The following INPP5K variants were observed in gnomAD, a reference collection of about 807,000 sequenced individuals.
INPP5K encodes inositol polyphosphate 5-phosphatase K.
A neutral mutation model predicts 53.5 loss-of-function variants in INPP5K; 35 were observed. The observed-to-expected ratio is 0.65, with a 90% confidence interval of 0.50 to 0.87. The LOEUF (loss-of-function observed/expected upper bound fraction) is 0.87, where lower values mean the gene tolerates loss of function less well. Among genes scored for constraint, INPP5K ranks in the 40% least tolerant of loss-of-function variants. INPP5K has a pLI of 0.00. For missense variants in INPP5K, 550 were observed against 586.2 expected (o/e 0.94, Z 0.64); for synonymous variants, 253 against 232.8 (o/e 1.09, Z -0.79).
At chr17:1,497,176 G>A (rs1030857146) in intron 8 of INPP5K, among the ~76,000 whole-genome samples, 10 of 152,208 alleles carry the variant, frequency 6.6e-5, no homozygotes, top group Non-Finnish European at 2.9e-5. Context: ...CTGTGAACGT[G>A]CAAGAACACA....
At chr17:1,510,808 T>C (rs1033498502) in intron 3 of INPP5K, among the ~76,000 whole-genome samples, 1 of 152,046 alleles carries the variant, frequency 6.6e-6, no homozygotes, top group Non-Finnish European at 1.5e-5. Flanking sequence ...GTTTGTTTTG[T>C]AGAGACAGGG....
chr17:1,514,195 C>T lies in INPP5K; in HGVS notation c.45-216G>A, dbSNP rs1347593791. Among the ~76,000 whole-genome samples the T allele has an allele frequency of 2.0e-5, 3 of 151,974 alleles. No individual in the cohort carries two copies. In the East Asian group the frequency reaches 5.8e-4, roughly 29 times the overall value. ...AAAATTAGCCCAGCATGGTGGCAGG[C>T]GCCTGTAATCCCAGCTACTCTGGAG... is the stretch of plus-strand genomic sequence containing the variant. On this transcript the variant is annotated intron_variant, in intron 1 of 11. Coordinates refer to ENST00000421807, the MANE Select transcript of INPP5K (RefSeq NM_016532.4).
chr17:1,506,730 TG>T lies in INPP5K; in HGVS notation c.776+249del, dbSNP rs1469181223. ...CTCCACCCTCTCCTCTGGTTCTATC[TG>T]TAACACCCCCACCCCCTACACACCT... On this transcript the variant is annotated intron_variant, in intron 7 of 11. Coordinates refer to ENST00000421807, the MANE Select transcript of INPP5K (RefSeq NM_016532.4). Among the ~76,000 whole-genome samples, 7 of 152,196 alleles carry T rather than the reference TG, an allele frequency of 4.6e-5. No homozygotes were observed. In the East Asian group the frequency reaches 1.4e-3, roughly 29 times the overall value.
At chr17:1,506,309 G>A (rs746047325) in intron 7 of INPP5K, among the ~76,000 whole-genome samples, 7 of 152,206 alleles carry the variant, frequency 4.6e-5, no homozygotes, top group Non-Finnish European at 8.8e-5. Context: ...ACAGGTGTGA[G>A]CCACCGCGCC....
chr17:1,496,182 G>A lies in INPP5K; in HGVS notation c.1186-18C>T. 3 of 1,571,312 alleles carry A rather than the reference G, an allele frequency of 1.9e-6. No individual in the cohort carries two copies. Among genetic ancestry groups the A allele is most frequent in the Non-Finnish European group, 2.6e-6 (3 of 1,141,678 alleles). ...ATGTAAACCTGGAGGGGGATGGACAGGACTGGGGTCAGCTCCAGGGCTCTG... is the reference window on the plus strand; with the variant it reads ...ATGTAAACCTGGAGGGGGATGGACAAGACTGGGGTCAGCTCCAGGGCTCTG... On this transcript the variant is annotated intron_variant, in intron 10 of 11. Coordinates refer to ENST00000421807, the MANE Select transcript of INPP5K (RefSeq NM_016532.4).
intron 7 of INPP5K, among the ~76,000 whole-genome samples, chr17:1,501,795 G>C (rs1351341868): frequency 6.6e-6 from 1 of 151,734 alleles, no homozygotes; most frequent in Non-Finnish European, 1.5e-5. Flanking sequence ...GAGGCGGGCG[G>C]ATCACAAGGT....
At chr17:1,505,344 T>A (rs1002645683) in intron 7 of INPP5K, among the ~76,000 whole-genome samples, 6 of 152,128 alleles carry the variant, frequency 3.9e-5, no homozygotes, top group African/African-American at 1.4e-4. Flanking sequence ...CAGGCAGGTC[T>A]TGAACTCCTG....
At chr17:1,507,112 C>T (rs754605467) in intron 6 of INPP5K, 23 bp from the exon 7 acceptor site, 13 of 1,591,540 alleles carry the variant, frequency 8.2e-6, no homozygotes, top group East Asian at 2.2e-5. Context: ...TCATAGTCCC[C>T]GTCTCCCAGT....
In INPP5K at chr17:1,516,479, G is replaced by A. The variant is rs1214900007; in HGVS notation, c.21C>T (p.Ser7=). The A allele has an allele frequency of 5.7e-6, 9 of 1,588,194 alleles. No individual in the cohort carries two copies. Among genetic ancestry groups the A allele is most frequent in the Non-Finnish European group, 7.7e-6 (9 of 1,175,830 alleles). MSSRKL[S]GPKGRRLSIH... The stretch of plus-strand genomic sequence containing the variant: ...ACCTGAGCCTCCTGCCTTTCGGCCC[G>A]CTCAGCTTCCGCGAGCTCATGGCCG... Residue 7 remains serine, a synonymous_variant, in exon 1 of 12, where the codon AGC becomes AGT. Coordinates refer to ENST00000421807, the MANE Select transcript of INPP5K (RefSeq NM_016532.4).
intron 5 of INPP5K, 89 bp downstream of exon 5, chr17:1,509,089 C>T (rs1239830450): frequency 5.5e-6 from 6 of 1,099,416 alleles, no homozygotes; most frequent in Middle Eastern, 3.0e-4. Context: ...GGGCGGGGAG[C>T]GGTCTGCAGA....
chr17:1,506,881 C>G, intron 7 of INPP5K, 99 bp downstream of exon 7: 1 of 815,402 alleles, frequency 1.2e-6, no homozygotes, highest in Admixed American at 2.3e-5. Context: ...AGACCAATTC[C>G]TGCCCCCCCT....
At chr17:1,496,608 C>A in intron 9 of INPP5K, 58 bp downstream of exon 9, 1 of 1,596,972 alleles carries the variant, frequency 6.3e-7, no homozygotes, top group Non-Finnish European at 8.6e-7. Flanking sequence ...CAGGAGCCCT[C>A]GGGAAGGATG....
In INPP5K at chr17:1,496,646, C is replaced by T. The variant is rs1298671964; in HGVS notation, c.1101+20G>A. The stretch of plus-strand genomic sequence containing the variant: ...CCAGGGGCTGTCGCTGATGGACTTC[C>T]TGCCTTGCCACCACATCACCTTGTA... On this transcript the variant is annotated intron_variant, in intron 9 of 11. Coordinates refer to ENST00000421807, the MANE Select transcript of INPP5K (RefSeq NM_016532.4). The T allele has an allele frequency of 4.3e-6, 7 of 1,613,384 alleles. No individual in the cohort carries two copies. Among genetic ancestry groups the T allele is most frequent in the Non-Finnish European group, 5.9e-6 (7 of 1,179,400 alleles).
At position 1,516,594 on chromosome 17, in the gene INPP5K, C is replaced by A. The variant is rs560700430; in HGVS notation, c.-95G>T. The A allele has an allele frequency of 1.4e-6, 2 of 1,425,588 alleles. No individual in the cohort carries two copies. Among genetic ancestry groups the A allele is most frequent in the Non-Finnish European group, 1.8e-6 (2 of 1,098,178 alleles). 88.3% of individuals were successfully genotyped at this position (1,425,588 alleles called of 1,614,324 possible). On this transcript the variant is annotated 5_prime_UTR_variant, in exon 1 of 12. Transcript: ENST00000421807. The stretch of plus-strand genomic sequence containing the variant: ...AGCCCTGCGGGCGGCCGGTCTCACG[C>A]GCCTAGCTGTCGCGGACTGTTTTTC...
Position 1,496,704 on chromosome 17 carries a change from A to G in INPP5K, c.1063T>C (p.Phe355Leu). Residue 355 changes from phenylalanine to leucine, a missense_variant, in exon 9 of 12, where the codon TTC (phenylalanine) becomes CTC (leucine). Transcript: ENST00000421807. ...MMVSYSSTSD[F>L]PSSPWDWIGL... ...ATCCAGTCCCACGGGCTGCTGGGGA[A>G]GTCCGAGGTTGAAGAGTAGCTGACC... The G allele has an allele frequency of 6.2e-7, 1 of 1,614,218 alleles. No homozygotes were observed. The highest frequency in any genetic ancestry group is 8.5e-7 in the Non-Finnish European group (1 of 1,180,034).
intron 5 of INPP5K, among the ~76,000 whole-genome samples, chr17:1,508,668 G>A (rs1033207546): frequency 1.3e-5 from 2 of 152,198 alleles, no homozygotes; most frequent in Non-Finnish European, 2.9e-5. Context: ...GAGGGTGGGA[G>A]CCAGAACACT....
Position 1,495,582 on chromosome 17 carries a change from A to G in INPP5K, c.*241T>C, listed in dbSNP as rs1269504099. ...AACTGTCCCCAGGTCTTCACTGTTG[A>G]CACACTAGCTGGTTTCACTCACATC... On this transcript the variant is annotated 3_prime_UTR_variant, in exon 12 of 12. Coordinates refer to ENST00000421807, the MANE Select transcript of INPP5K (RefSeq NM_016532.4). The G allele has an allele frequency of 1.9e-6, 1 of 524,570 alleles. No homozygotes were observed. Among genetic ancestry groups the G allele is most frequent in the Non-Finnish European group, 3.4e-6 (1 of 296,590 alleles). 32.5% of individuals were successfully genotyped at this position (524,570 alleles called of 1,614,324 possible). A position where few individuals can be genotyped will look rare whatever the true frequency, so the allele number is the denominator to read the frequency against.
At chr17:1,514,402 T>C (rs1209708533) in intron 1 of INPP5K, among the ~76,000 whole-genome samples, 1 of 151,880 alleles carries the variant, frequency 6.6e-6, no homozygotes, top group African/African-American at 2.4e-5. Flanking sequence ...TGATGGGAAA[T>C]GTGGGTTTCT....
Position 1,496,309 on chromosome 17 carries a change from G to A in INPP5K, c.1185+10C>T. ...GCCTGCTGGTGATGTACCTGGTGCT[G>A]GTGACGTACCTGGTTCAGGTTGTCG... On this transcript the variant is annotated intron_variant, in intron 10 of 11. Transcript: ENST00000421807. The A allele has an allele frequency of 6.4e-7, 1 of 1,555,530 alleles. No individual in the cohort carries two copies. The highest frequency in any genetic ancestry group is 8.7e-7 in the Non-Finnish European group (1 of 1,148,118).
Sources: allele counts gnomAD v4.1 joint callset (sites outside exome capture counted in the v4.1 genomes callset), GRCh38; gene constraint gnomAD v4.1.1; transcripts MANE v1.5; gene names NCBI Gene and HGNC (gene_info 2026-07-23, HGNC 2026-07-21).